Variants in MYO18B observed in about 807,000 individuals in gnomAD.
MYO18B encodes the protein myosin XVIIIB.
In MYO18B, 204 loss-of-function variants were observed where a neutral mutation model predicts 273.0. The observed-to-expected ratio is 0.75, with a 90% CI of 0.67 to 0.84. The LOEUF (loss-of-function observed/expected upper bound fraction) is 0.84. MYO18B is among the 40% of genes least tolerant of loss of function. MYO18B has a pLI of 0.00. For missense variants in MYO18B, 3,212 were observed against 3,287.6 expected (o/e 0.98, Z 0.56); for synonymous variants, 1,330 against 1,305.7 (o/e 1.02, Z -0.40).
At chr22:25,871,408 G>A (rs1347765308) in intron 22 of MYO18B, among the ~76,000 whole-genome samples, 3 of 152,210 alleles carry the variant, frequency 2.0e-5, no homozygotes, top group African/African-American at 4.8e-5. Context: ...ACATTTTAAT[G>A]TTTAAAGAAT....
intron 21 of MYO18B, among the ~76,000 whole-genome samples, chr22:25,864,802 T>C (rs551591636): frequency 6.6e-6 from 1 of 152,332 alleles, no homozygotes; most frequent in African/African-American, 2.4e-5. Context: ...CTGTGTTTTC[T>C]TGGAGAAAAA....
At chr22:25,851,671 C>A in intron 21 of MYO18B, 92 bp downstream of exon 21, 1 of 933,638 alleles carries the variant, frequency 1.1e-6, no homozygotes, top group Non-Finnish European at 1.7e-6. Context: ...GTGAGTGGCT[C>A]ATGCCTGTAA....
At chr22:26,024,775 C>T (rs1238304001) in intron 42 of MYO18B, among the ~76,000 whole-genome samples, 1 of 152,206 alleles carries the variant, frequency 6.6e-6, no homozygotes, top group African/African-American at 2.4e-5. Context: ...AAGCTCTGTC[C>T]TCAGGGGCGC....
chr22:25,862,986 C>G (rs900206042), intron 21 of MYO18B, among the ~76,000 whole-genome samples: 2 of 152,062 alleles, frequency 1.3e-5, no homozygotes, highest in Non-Finnish European at 2.9e-5. Context: ...CTCTGAGGCT[C>G]TATTTATTTT....
intron 9 of MYO18B, 30 bp downstream of exon 9, chr22:25,780,228 GC>G: frequency 1.3e-6 from 2 of 1,583,618 alleles, no homozygotes. Context: ...GTGCAAGGGG[GC>G]CCTTGGGGCT....
At chr22:26,059,073 G>A in the MYO18B span, among the ~76,000 whole-genome samples, 1 of 151,998 alleles carries the variant, frequency 6.6e-6, no homozygotes, top group South Asian at 2.1e-4. Flanking sequence ...TGGGAGAAAA[G>A]GACAATATAA....
chr22:25,774,531 G>T (rs550765702), intron 7 of MYO18B, among the ~76,000 whole-genome samples: 12 of 152,354 alleles, frequency 7.9e-5, no homozygotes, highest in African/African-American at 4.8e-5. Context: ...GCATTGGTAC[G>T]CACTCTGAAG....
At position 25,854,654 on chromosome 22, in the gene MYO18B, A is replaced by T. The variant is rs555809602; in HGVS notation, c.3885+3075A>T. 2.0e-5 allele frequency among the ~76,000 whole-genome samples: 3 copies of T among 152,342 alleles called. No homozygotes were observed. In the East Asian group the frequency reaches 5.8e-4, roughly 29 times the overall value. The stretch of plus-strand genomic sequence containing the variant: ...GCAAAATTGAAAGTTGGTACCCATT[A>T]AACAATAATTCCCGATTCCTCCTCC... On this transcript the variant is annotated intron_variant, in intron 21 of 43. Transcript: ENST00000335473.
chr22:25,904,009 C>T (rs1463227192), intron 31 of MYO18B, among the ~76,000 whole-genome samples, 178 bp downstream of exon 31: 1 of 152,202 alleles, frequency 6.6e-6, no homozygotes, highest in Non-Finnish European at 1.5e-5. Flanking sequence ...TGATCCAGCT[C>T]TCCCCTGCAA....
At chr22:25,920,452 G>C (rs1235816026) in intron 33 of MYO18B, among the ~76,000 whole-genome samples, 1 of 152,156 alleles carries the variant, frequency 6.6e-6, no homozygotes, top group Non-Finnish European at 1.5e-5. Flanking sequence ...GCCACTGAAG[G>C]CTGTCAAGGA....
At chr22:25,829,449 G>A (rs550576280) in intron 15 of MYO18B, among the ~76,000 whole-genome samples, 2 of 151,694 alleles carry the variant, frequency 1.3e-5, no homozygotes, top group Non-Finnish European at 2.9e-5. Context: ...CTTCTAGGAG[G>A]CACCTGAGAG....
chr22:25,802,169 A>G (rs1448882660), intron 12 of MYO18B, among the ~76,000 whole-genome samples: 2 of 152,226 alleles, frequency 1.3e-5, no homozygotes, highest in Admixed American at 6.5e-5. Context: ...CTCTTGTCTA[A>G]TAATTCACTA....
In MYO18B at chr22:25,787,269, C is replaced by T. The variant is rs544071431; in HGVS notation, c.2376+1778C>T. ...TGCTAAGCCTGTGTGCGTGCAGGCG[C>T]GCGCACACACACACACACACACACA... On this transcript the variant is annotated intron_variant, in intron 11 of 43. Coordinates refer to ENST00000335473, the MANE Select transcript of MYO18B (RefSeq NM_032608.7). Among the ~76,000 whole-genome samples the T allele has an allele frequency of 9.5e-3, 484 of 51,130 alleles. 1 individual carries two copies. The highest frequency in any genetic ancestry group is 0.033 in the African/African-American group (453 of 13,846). 33.5% of individuals were successfully genotyped at this position (51,130 alleles called of 152,430 possible).
At chr22:25,770,228 C>T (rs750157095) in intron 5 of MYO18B, 52 bp downstream of exon 5, 457 of 1,554,158 alleles carry the variant, frequency 2.9e-4, no homozygotes, top group Non-Finnish European at 3.2e-4. Flanking sequence ...TCCTGTGCCC[C>T]CTACTGCTGC....
intron 42 of MYO18B, among the ~76,000 whole-genome samples, chr22:26,006,077 C>T (rs1047882212): frequency 1.3e-5 from 2 of 152,164 alleles, no homozygotes; most frequent in African/African-American, 4.8e-5. Context: ...AATACCTTTG[C>T]GTTAGCCTGT....
At chr22:25,839,064 ATATG>A (rs1197383578) in intron 17 of MYO18B, among the ~76,000 whole-genome samples, 11 of 151,612 alleles carry the variant, frequency 7.3e-5, no homozygotes, top group African/African-American at 1.2e-4. Flanking sequence ...GCATGTGTGT[ATATG>A]TATGTATATA....
chr22:25,793,036 G>C (rs906819442), intron 11 of MYO18B, among the ~76,000 whole-genome samples: 2 of 152,154 alleles, frequency 1.3e-5, no homozygotes, highest in African/African-American at 2.4e-5. Flanking sequence ...GCATCAACTT[G>C]GGCAGCAATG....
chr22:25,887,669 C>T (rs2091541623), intron 25 of MYO18B, among the ~76,000 whole-genome samples: 1 of 152,130 alleles, frequency 6.6e-6, no homozygotes, highest in Admixed American at 6.5e-5. Flanking sequence ...GGTGCCTGCT[C>T]CTCACCTCCA....
chr22:25,998,325 G>A (rs1204896680), intron 40 of MYO18B, among the ~76,000 whole-genome samples: 1 of 152,176 alleles, frequency 6.6e-6, no homozygotes, highest in African/African-American at 2.4e-5. Flanking sequence ...TCTATTCATG[G>A]CCCAGGGGCT....
Sources: allele counts gnomAD v4.1 joint callset (sites outside exome capture counted in the v4.1 genomes callset), GRCh38; gene constraint gnomAD v4.1.1; transcripts MANE v1.5; gene names NCBI Gene and HGNC (gene_info 2026-07-23, HGNC 2026-07-21).